Variants in SCHIP1 observed in about 807,000 individuals in gnomAD.
SCHIP1 encodes schwannomin-interacting protein 1.
A neutral mutation model predicts 29.7 loss-of-function variants in SCHIP1; 8 were observed. The observed-to-expected ratio is 0.27, with a 90% CI of 0.16 to 0.49. The LOEUF (loss-of-function observed/expected upper bound fraction) is 0.49. Ranked by LOEUF, SCHIP1 falls within the 20% of genes least tolerant of loss-of-function variation. The probability of loss-of-function intolerance (pLI) is 0.99; values close to 1 mark genes in which losing one functional copy is unlikely to be tolerated. For synonymous variants in SCHIP1, 76 were observed against 94.9 expected (o/e 0.80, Z 1.16); for missense variants, 193 against 294.6 (o/e 0.66, Z 2.52).
At chr3:159,716,085 G>C in the SCHIP1 span, among the ~76,000 whole-genome samples, 4 of 152,176 alleles carry the variant, frequency 2.6e-5, no homozygotes, top group African/African-American at 9.7e-5. Flanking sequence ...AAGAGAGTGA[G>C]GGCCAATATT....
the SCHIP1 span, among the ~76,000 whole-genome samples, chr3:159,801,005 TG>T: frequency 6.6e-6 from 1 of 151,404 alleles, no homozygotes; most frequent in Non-Finnish European, 1.5e-5. Context: ...TAATCATCTG[TG>T]GGCTGGATTC....
At chr3:159,798,499 C>T in the SCHIP1 span, among the ~76,000 whole-genome samples, 7 of 151,716 alleles carry the variant, frequency 4.6e-5, no homozygotes, top group South Asian at 2.1e-4. Flanking sequence ...GGTTCACGCC[C>T]GTAATCCCAG....
chr3:159,672,772 C>T, the SCHIP1 span, among the ~76,000 whole-genome samples: 7 of 152,196 alleles, frequency 4.6e-5, no homozygotes, highest in African/African-American at 1.4e-4. Flanking sequence ...GGTCCTCAGT[C>T]TCCTCATCTC....
the SCHIP1 span, among the ~76,000 whole-genome samples, chr3:159,708,441 G>A: frequency 6.6e-6 from 1 of 152,218 alleles, no homozygotes; most frequent in Non-Finnish European, 1.5e-5. Context: ...AAAATGAAGA[G>A]GGATGGACAG....
At chr3:159,403,111 C>A in the SCHIP1 span, among the ~76,000 whole-genome samples, 2 of 152,026 alleles carry the variant, frequency 1.3e-5, no homozygotes, top group Non-Finnish European at 2.9e-5. Flanking sequence ...ATCTCACAGC[C>A]CACATACTTT....
At chr3:159,554,698 G>C in the SCHIP1 span, among the ~76,000 whole-genome samples, 1 of 152,090 alleles carries the variant, frequency 6.6e-6, no homozygotes. Context: ...TCCAGGCTTT[G>C]ATGCCCCTTC....
the SCHIP1 span, chr3:159,306,557 A>ATCCC: frequency 2.3e-6 from 2 of 886,886 alleles, no homozygotes; most frequent in African/African-American, 3.6e-5. Flanking sequence ...ATCTAGAATT[A>ATCCC]TACTGAGCGC....
At chr3:159,579,338 A>G in the SCHIP1 span, among the ~76,000 whole-genome samples, 2 of 152,214 alleles carry the variant, frequency 1.3e-5, no homozygotes, top group South Asian at 4.1e-4. Context: ...ATGAATATAA[A>G]GGATAAAGTC....
the SCHIP1 span, among the ~76,000 whole-genome samples, chr3:159,428,049 A>G: frequency 4.0e-4 from 61 of 152,300 alleles, no homozygotes; most frequent in African/African-American, 1.4e-3. Flanking sequence ...TTAATTCAAG[A>G]TGGATTAAAG....
At chr3:159,332,001 C>T in the SCHIP1 span, among the ~76,000 whole-genome samples, 5 of 152,160 alleles carry the variant, frequency 3.3e-5, no homozygotes, top group Admixed American at 1.3e-4. Flanking sequence ...GCTCAGGTGT[C>T]ACCTCCTGAG....
At chr3:159,526,696 G>T in the SCHIP1 span, among the ~76,000 whole-genome samples, 1 of 152,168 alleles carries the variant, frequency 6.6e-6, no homozygotes, top group African/African-American at 2.4e-5. Context: ...TTTTGTTGTT[G>T]TTTTTTAATA....
At chr3:159,832,802 C>T in the SCHIP1 span, among the ~76,000 whole-genome samples, 1 of 152,162 alleles carries the variant, frequency 6.6e-6, no homozygotes, top group Non-Finnish European at 1.5e-5. Context: ...GCTTCCTACC[C>T]TTATCTGCAG....
chr3:159,781,278 C>T, the SCHIP1 span, among the ~76,000 whole-genome samples: 2 of 152,060 alleles, frequency 1.3e-5, no homozygotes, highest in African/African-American at 2.4e-5. Context: ...TAGGTTCAAG[C>T]GATTCACCTG....
the SCHIP1 span, among the ~76,000 whole-genome samples, chr3:159,753,999 A>T: frequency 6.6e-6 from 1 of 152,122 alleles, no homozygotes; most frequent in Non-Finnish European, 1.5e-5. Context: ...TTGGGTACTT[A>T]TTGCAAACTG....
the SCHIP1 span, among the ~76,000 whole-genome samples, chr3:159,743,872 C>A: frequency 1.3e-5 from 2 of 152,218 alleles, no homozygotes; most frequent in South Asian, 4.2e-4. Context: ...CTTAAAACTG[C>A]ATATGAATGC....
At chr3:159,494,576 G>T in the SCHIP1 span, among the ~76,000 whole-genome samples, 1 of 152,144 alleles carries the variant, frequency 6.6e-6, no homozygotes, top group East Asian at 1.9e-4. Flanking sequence ...TCTCTGATTA[G>T]ACCAATAACA....
chr3:159,382,253 C>G, the SCHIP1 span, among the ~76,000 whole-genome samples: 2 of 149,558 alleles, frequency 1.3e-5, no homozygotes, highest in East Asian at 4.0e-4. Context: ...GCTATCCCTC[C>G]CCCCTCACCC....
chr3:159,345,554 TTCTCTCTC>T, the SCHIP1 span, among the ~76,000 whole-genome samples: 65 of 93,518 alleles, frequency 7.0e-4, no homozygotes, highest in Admixed American at 9.3e-4. Context: ...GTGTCTCTCT[TTCTCTCTC>T]TCTCTCTCTC....
the SCHIP1 span, among the ~76,000 whole-genome samples, chr3:159,632,979 G>A: frequency 6.6e-6 from 1 of 152,174 alleles, no homozygotes; most frequent in African/African-American, 2.4e-5. Flanking sequence ...TCTAGATTTA[G>A]TTCAGTTATA....
Sources: gnomAD v4.1 joint callset for allele counts (sites outside exome capture counted in the v4.1 genomes callset) on GRCh38, gnomAD v4.1.1 for gene constraint, MANE v1.5 for transcripts, NCBI Gene and HGNC (gene_info 2026-07-23, HGNC 2026-07-21) for gene names.